Variants in C2CD5 observed in about 807,000 individuals in gnomAD.
C2CD5 encodes C2 domain-containing protein 5.
C2CD5 carries 109 observed loss-of-function variants against 130.3 expected under a neutral mutation model. The observed-to-expected ratio is 0.84, with a 90% CI of 0.72 to 0.98. The LOEUF is 0.98. Among genes scored for constraint, C2CD5 ranks in the 50% least tolerant of loss-of-function variants. The pLI is 0.00. For synonymous variants in C2CD5, 454 were observed against 429.2 expected, an observed-to-expected ratio of 1.06 and a Z score of -0.71; for missense variants, 996 against 1,261.8, an observed-to-expected ratio of 0.79 and a Z score of 3.19.
intron 22 of C2CD5, among the ~76,000 whole-genome samples, chr12:22,462,029 G>C (rs769165394): frequency 6.6e-6 from 1 of 152,184 alleles, no homozygotes; most frequent in Non-Finnish European, 1.5e-5. Flanking sequence ...TGCTCCTCCT[G>C]ATCAGAGTTT....
At chr12:22,480,425 T>C (rs1455541376) in intron 14 of C2CD5, among the ~76,000 whole-genome samples, 1 of 152,148 alleles carries the variant, frequency 6.6e-6, no homozygotes, top group Non-Finnish European at 1.5e-5. Context: ...AGGATTTAAG[T>C]GCACAAACTA....
chr12:22,540,814 G>A (rs371929311), intron 2 of C2CD5, among the ~76,000 whole-genome samples: 21 of 152,270 alleles, frequency 1.4e-4, no homozygotes, highest in African/African-American at 4.3e-4. Flanking sequence ...AGCCAAGATC[G>A]TGCCACTACA....
At chr12:22,509,659 C>T (rs755900281) in intron 9 of C2CD5, among the ~76,000 whole-genome samples, 33 of 152,242 alleles carry the variant, frequency 2.2e-4, no homozygotes, top group Non-Finnish European at 4.3e-4. Context: ...TACCTATCAT[C>T]ACCACCATAA....
At chr12:22,544,259 C>A in intron 1 of C2CD5, 61 bp downstream of exon 1, 1 of 1,049,038 alleles carries the variant, frequency 9.5e-7, no homozygotes, top group Non-Finnish European at 1.3e-6. Flanking sequence ...TAACTGACAG[C>A]GAAGGAGCGC....
intron 3 of C2CD5, among the ~76,000 whole-genome samples, chr12:22,530,920 T>C (rs995025840): frequency 1.3e-5 from 2 of 152,210 alleles, no homozygotes; most frequent in African/African-American, 4.8e-5. Flanking sequence ...TTTTTTAATA[T>C]TTCCTAGTAT....
chr12:22,455,464 A>C (rs1452950440), intron 25 of C2CD5, among the ~76,000 whole-genome samples: 1 of 152,178 alleles, frequency 6.6e-6, no homozygotes, highest in African/African-American at 2.4e-5. Flanking sequence ...CTTAGGAAAT[A>C]CAATTTTATG....
chr12:22,519,040 C>G (rs1591959631), intron 7 of C2CD5: 1 of 1,330,982 alleles, frequency 7.5e-7, no homozygotes, highest in Non-Finnish European at 1.0e-6. Context: ...CCTACACTAC[C>G]TGCCTGCCTG....
At position 22,465,220 on chromosome 12, in the gene C2CD5, A is replaced by T. The variant is rs181329064; in HGVS notation, c.2533+4489T>A. Reference sequence around the variant, plus strand: ...AGCGTATGCCACTGAACACGAGGAAATACTCTAGTAAAAGCAAAAGGAAAG... The same window carrying T: ...AGCGTATGCCACTGAACACGAGGAATTACTCTAGTAAAAGCAAAAGGAAAG... On this transcript the variant is annotated intron_variant, in intron 22 of 26. Coordinates refer to ENST00000446597, the MANE Select transcript of C2CD5 (RefSeq NM_001286176.2). 3.1e-3 allele frequency among the ~76,000 whole-genome samples: 474 copies of T among 152,242 alleles called. 7 individuals are homozygous for T. The highest frequency in any genetic ancestry group is 0.011 in the African/African-American group (462 of 41,570).
At chr12:22,520,455 G>C (rs184224841) in intron 7 of C2CD5, among the ~76,000 whole-genome samples, 44 of 152,164 alleles carry the variant, frequency 2.9e-4, no homozygotes, top group African/African-American at 9.4e-4. Flanking sequence ...AAATATTACT[G>C]ATTTTGCAAT....
Position 22,513,311 on chromosome 12 carries a change from A to T in C2CD5, c.1021T>A (p.Ser341Thr). The T allele has an allele frequency of 1.2e-6, 2 of 1,609,744 alleles. No homozygotes were observed. Among genetic ancestry groups the T allele is most frequent in the Non-Finnish European group, 1.7e-6 (2 of 1,176,150 alleles). Residue 341 changes from serine (S) to threonine (T), a missense_variant, in exon 9 of 27, where the codon TCA becomes ACA. Physicochemically the swap from Ser to Thr is moderately conservative, Grantham distance 58 (BLOSUM62 1). Transcript: ENST00000446597. ...AATCTTACCCTCTGTTCCAACGCTG[A>T]TTGAGTCTGTTGTCTTAAAAGAGCT... ...FKALLRQQTQ[S>T]ALEQREFPFF...
At chr12:22,471,338 A>T in intron 20 of C2CD5, 61 bp downstream of exon 20, 1 of 913,388 alleles carries the variant, frequency 1.1e-6, no homozygotes, top group South Asian at 1.6e-5. Flanking sequence ...TATGATAAAC[A>T]GATAATGAAA....
chr12:22,540,273 T>C (rs774402250), intron 2 of C2CD5, among the ~76,000 whole-genome samples: 1 of 152,244 alleles, frequency 6.6e-6, no homozygotes, highest in Non-Finnish European at 1.5e-5. Flanking sequence ...CTCCCTATTC[T>C]GTGTCCCAGC....
At position 22,482,519 on chromosome 12, in the gene C2CD5, G is replaced by A. The variant is rs774051706; in HGVS notation, c.1737+38C>T. On this transcript the variant is annotated intron_variant, in intron 14 of 26. Transcript: ENST00000446597. ...ATAACATAGAATCTACTATAATTAA[G>A]GAAATCATAAAACAAAACCAAAAAC... The A allele has an allele frequency of 2.6e-6, 4 of 1,536,376 alleles. No homozygotes were observed. In the South Asian group the frequency reaches 4.6e-5, roughly 18 times the overall value.
At chr12:22,500,388 A>T (rs1359442292) in intron 10 of C2CD5, among the ~76,000 whole-genome samples, 1 of 152,218 alleles carries the variant, frequency 6.6e-6, no homozygotes, top group African/African-American at 2.4e-5. Flanking sequence ...GAAGTTTGAG[A>T]ACCACACTCA....
intron 12 of C2CD5, among the ~76,000 whole-genome samples, chr12:22,487,157 T>C (rs1490470187): frequency 6.6e-6 from 1 of 152,158 alleles, no homozygotes; most frequent in Admixed American, 6.5e-5. Context: ...AAGGACTTCA[T>C]GTCTAAAACA....
intron 14 of C2CD5, 66 bp from the exon 15 acceptor site, chr12:22,478,543 A>T: frequency 7.2e-7 from 1 of 1,392,240 alleles, no homozygotes; most frequent in Non-Finnish European, 9.9e-7. Flanking sequence ...TTAAGTTTTC[A>T]TATTTAAGAA....
chr12:22,522,397 G>A (rs1176342284), intron 7 of C2CD5, among the ~76,000 whole-genome samples: 1 of 152,154 alleles, frequency 6.6e-6, no homozygotes, highest in Non-Finnish European at 1.5e-5. Flanking sequence ...TGACAGTCAT[G>A]ACCACCATCA....
chr12:22,459,018 A>G (rs1460932996), intron 23 of C2CD5, among the ~76,000 whole-genome samples: 1 of 152,234 alleles, frequency 6.6e-6, no homozygotes, highest in Non-Finnish European at 1.5e-5. Flanking sequence ...AGAGAATCAA[A>G]TGTTGAAGAA....
In C2CD5 at chr12:22,500,366, T is replaced by C. The variant is rs1947606254; in HGVS notation, c.1147+6345A>G. On this transcript the variant is annotated intron_variant, in intron 10 of 26. Transcript: ENST00000446597. ...AATGAGTACTGGCTAGGACATTGTTTTGTAAATGCTAGAAGTTTGAGAACC... is the reference window on the plus strand; with the variant it reads ...AATGAGTACTGGCTAGGACATTGTTCTGTAAATGCTAGAAGTTTGAGAACC... 2.0e-5 allele frequency among the ~76,000 whole-genome samples: 3 copies of C among 152,172 alleles called. No homozygotes were observed. In the South Asian group the frequency reaches 6.2e-4, roughly 31 times the overall value.
Sources: gnomAD v4.1 joint callset for allele counts (sites outside exome capture counted in the v4.1 genomes callset) on GRCh38, gnomAD v4.1.1 for gene constraint, MANE v1.5 for transcripts, NCBI Gene and HGNC (gene_info 2026-07-23, HGNC 2026-07-21) for gene names.